Variants in IGFL2 observed in about 807,000 individuals in gnomAD.
The protein encoded by IGFL2 is IGF like family member 2.
IGFL2 carries 7 observed loss-of-function variants against 13.9 expected under a neutral mutation model. That is an observed-to-expected ratio of 0.51 (90% CI 0.29 to 0.95). The LOEUF is 0.95. IGFL2 is among the 40% of genes least tolerant of loss of function. The pLI is 0.08. For missense variants in IGFL2, 138 were observed against 147.8 expected (o/e 0.93, Z 0.34); for synonymous variants, 55 against 55.8 (o/e 0.99, Z 0.07).
the IGFL2 span, among the ~76,000 whole-genome samples, chr19:46,182,713 T>C: frequency 6.6e-6 from 1 of 152,156 alleles, no homozygotes; most frequent in Admixed American, 6.5e-5. Flanking sequence ...TCCCTTTTCA[T>C]TGCCGAGCAG....
the IGFL2 span, among the ~76,000 whole-genome samples, chr19:46,190,746 G>T: frequency 3.3e-5 from 5 of 152,172 alleles, no homozygotes. Flanking sequence ...CTTCCCCCAT[G>T]GGGGGTGGGG....
At chr19:46,093,570 G>T in the IGFL2 span, among the ~76,000 whole-genome samples, 12 of 152,200 alleles carry the variant, frequency 7.9e-5, no homozygotes, top group Non-Finnish European at 1.6e-4. Context: ...AGGCAAAAAC[G>T]CATGCAGATT....
Position 46,160,733 on chromosome 19 carries a change from C to T in IGFL2, c.193C>T (p.Gln65Ter). The T allele has an allele frequency of 6.2e-7, 1 of 1,614,080 alleles. No homozygotes were observed. Among genetic ancestry groups the T allele is most frequent in the Non-Finnish European group, 8.5e-7 (1 of 1,179,980 alleles). ...CATCGTGTCCCTGAGCGAGACCCGC[C>T]AATGTGGTCCCCCCTGCACCTTCTG... is the stretch of plus-strand genomic sequence containing the variant. ...DAIVSLSETR[Q>*]CGPPCTFWPC... Residue 65 changes from glutamine (Q) to a stop codon, truncating the protein, a stop_gained, in exon 3 of 4, where the codon CAA becomes TAA. Transcript: ENST00000377693. LOFTEE classifies it high-confidence loss of function.
chr19:46,105,441 A>G, the IGFL2 span, among the ~76,000 whole-genome samples: 9 of 152,146 alleles, frequency 5.9e-5, no homozygotes, highest in South Asian at 6.2e-4. Context: ...CCATCAATAA[A>G]CCAAGTGTGA....
the IGFL2 span, among the ~76,000 whole-genome samples, chr19:46,118,464 C>T: frequency 6.6e-6 from 1 of 152,192 alleles, no homozygotes; most frequent in Non-Finnish European, 1.5e-5. Flanking sequence ...AGAGAAAGCC[C>T]CTGGGCTCCA....
the IGFL2 span, among the ~76,000 whole-genome samples, chr19:46,183,146 G>A: frequency 1.3e-5 from 2 of 152,176 alleles, no homozygotes; most frequent in African/African-American, 4.8e-5. Context: ...GCAAAGGCAT[G>A]TCGTACATGG....
the IGFL2 span, chr19:46,214,886 C>G: frequency 1.5e-5 from 2 of 132,890 alleles, 1 homozygote; most frequent in Non-Finnish European, 3.4e-5. Context: ...CAAACACACG[C>G]GTGCGCGCAC....
chr19:46,139,729 C>CT (rs1458130936), upstream of IGFL2, among the ~76,000 whole-genome samples: 1 of 152,072 alleles, frequency 6.6e-6, no homozygotes, highest in Non-Finnish European at 1.5e-5. Context: ...CTTTAATACA[C>CT]TTTTTGGGAT....
the IGFL2 span, among the ~76,000 whole-genome samples, chr19:46,129,217 G>A: frequency 2.7e-5 from 4 of 150,792 alleles, no homozygotes; most frequent in South Asian, 4.2e-4. Context: ...GTATTTATTC[G>A]GATCTTCCCT....
At chr19:46,167,380 G>A in the IGFL2 span, among the ~76,000 whole-genome samples, 1 of 152,140 alleles carries the variant, frequency 6.6e-6, no homozygotes, top group African/African-American at 2.4e-5. Flanking sequence ...AGCCAGGGTC[G>A]GAGCCTGGCT....
At chr19:46,113,207 C>T in the IGFL2 span, 1 of 174,950 alleles carries the variant, frequency 5.7e-6, no homozygotes, top group Non-Finnish European at 1.2e-5. Context: ...AGCGTTCCGT[C>T]CTCTCTTAGA....
Position 46,161,115 on chromosome 19 carries a change from C to T in IGFL2, c.*27C>T. On this transcript the variant is annotated 3_prime_UTR_variant, in exon 4 of 4. Coordinates refer to ENST00000377693, the MANE Select transcript of IGFL2 (RefSeq NM_001135113.2). ...AAGACATAGAAAGAAAATCAACTTT[C>T]ACTAAGGCATCTCAGAAACATAGGC... 3 of 1,564,492 alleles carry T rather than the reference C, an allele frequency of 1.9e-6. No homozygotes were observed. The highest frequency in any genetic ancestry group is 2.6e-6 in the Non-Finnish European group (3 of 1,146,236).
chr19:46,103,080 C>CT, the IGFL2 span, among the ~76,000 whole-genome samples: 1 of 152,140 alleles, frequency 6.6e-6, no homozygotes, highest in Non-Finnish European at 1.5e-5. Context: ...TATTAAAAGA[C>CT]TAAGAAATGG....
chr19:46,123,983 C>G, the IGFL2 span: 3 of 1,611,468 alleles, frequency 1.9e-6, no homozygotes, highest in Non-Finnish European at 2.5e-6. Flanking sequence ...CCAAAAGACT[C>G]GGGACAGCAG....
chr19:46,120,669 A>G, the IGFL2 span, among the ~76,000 whole-genome samples: 1 of 151,172 alleles, frequency 6.6e-6, no homozygotes, highest in Non-Finnish European at 1.5e-5. Flanking sequence ...ATACAGAGAT[A>G]TCAGAAATTC....
chr19:46,181,621 C>T, the IGFL2 span, among the ~76,000 whole-genome samples: 8 of 152,218 alleles, frequency 5.3e-5, no homozygotes, highest in Non-Finnish European at 1.0e-4. Flanking sequence ...GGAACTGACT[C>T]AGCTGCGTAA....
the IGFL2 span, among the ~76,000 whole-genome samples, chr19:46,079,192 A>G: frequency 6.6e-6 from 1 of 152,246 alleles, no homozygotes; most frequent in Non-Finnish European, 1.5e-5. Context: ...CGTCGCAGTA[A>G]CTGCCTTGGT....
At chr19:46,200,109 C>T in the IGFL2 span, among the ~76,000 whole-genome samples, 1 of 152,134 alleles carries the variant, frequency 6.6e-6, no homozygotes, top group Admixed American at 6.5e-5. Flanking sequence ...ACCTCGGCCT[C>T]CCAAAGTGCT....
chr19:46,083,358 G>T, the IGFL2 span, among the ~76,000 whole-genome samples: 2 of 152,192 alleles, frequency 1.3e-5, no homozygotes, highest in African/African-American at 4.8e-5. Context: ...GCAGCTGTAA[G>T]AAATGGATAT....
Sources: allele counts gnomAD v4.1 joint callset (sites outside exome capture counted in the v4.1 genomes callset), GRCh38; gene constraint gnomAD v4.1.1; transcripts MANE v1.5; gene names NCBI Gene and HGNC (gene_info 2026-07-23, HGNC 2026-07-21).